The following NOL4 variants were observed in gnomAD, a reference collection of about 807,000 sequenced individuals.
NOL4 encodes the protein cancer/testis antigen 125.
NOL4 carries 17 observed loss-of-function variants against 75.9 expected under a neutral mutation model. The ratio of observed to expected loss-of-function variants is 0.22; its 90% confidence interval spans 0.15 to 0.34. The LOEUF is 0.34. NOL4 is among the 10% of genes least tolerant of loss of function. The probability of loss-of-function intolerance (pLI) is 1.00; values close to 1 mark genes in which losing one functional copy is unlikely to be tolerated. For synonymous variants in NOL4, 292 were observed against 289.9 expected (o/e 1.01, Z -0.07); for missense variants, 614 against 793.5 (o/e 0.77, Z 2.72).
intron 9 of NOL4, among the ~76,000 whole-genome samples, chr18:33,884,027 A>G (rs1568004679): frequency 6.6e-6 from 1 of 152,108 alleles, no homozygotes; most frequent in African/African-American, 2.4e-5. Flanking sequence ...GGTTCTGAGC[A>G]CTACTGCACA....
intron 4 of NOL4, among the ~76,000 whole-genome samples, chr18:34,096,233 A>C (rs534990491): frequency 1.3e-5 from 2 of 152,064 alleles, no homozygotes; most frequent in African/African-American, 4.8e-5. Flanking sequence ...ATTTACCATC[A>C]TAAGTGGCTT....
intron 9 of NOL4, among the ~76,000 whole-genome samples, chr18:33,887,127 T>G (rs1173899023): frequency 7.0e-6 from 1 of 143,844 alleles, no homozygotes; most frequent in Non-Finnish European, 1.5e-5. Context: ...ATATATATTA[T>G]ATCTAGATAT....
chr18:34,093,311 A>G, intron 5 of NOL4, 154 bp downstream of exon 5: 1 of 661,830 alleles, frequency 1.5e-6, no homozygotes, highest in African/African-American at 1.8e-5. Flanking sequence ...AGTGAAGTGG[A>G]TGATATAACC....
At chr18:33,983,503 C>T (rs756774325) in intron 6 of NOL4, among the ~76,000 whole-genome samples, 1 of 151,868 alleles carries the variant, frequency 6.6e-6, no homozygotes, top group African/African-American at 2.4e-5. Flanking sequence ...CACACAGATA[C>T]ACACACATAT....
intron 1 of NOL4, among the ~76,000 whole-genome samples, chr18:34,176,520 C>A (rs1458442582): frequency 6.6e-6 from 1 of 152,046 alleles, no homozygotes; most frequent in Admixed American, 6.6e-5. Context: ...AATTGTGTTC[C>A]CCTCAATGTT....
At chr18:33,876,929 AT>A (rs879331906) in intron 10 of NOL4, among the ~76,000 whole-genome samples, 1 of 152,058 alleles carries the variant, frequency 6.6e-6, no homozygotes, top group Admixed American at 6.6e-5. Context: ...CTACCACTAC[AT>A]TGCTAGAATC....
intron 5 of NOL4, among the ~76,000 whole-genome samples, chr18:34,071,617 A>G (rs1341780810): frequency 6.6e-6 from 1 of 152,218 alleles, no homozygotes; most frequent in Non-Finnish European, 1.5e-5. Flanking sequence ...AATAAACTAC[A>G]TGAGATACTC....
At chr18:33,958,494 T>G (rs1600055482) in intron 6 of NOL4, 76 bp from the exon 7 acceptor site, 1 of 1,318,150 alleles carries the variant, frequency 7.6e-7, no homozygotes, top group East Asian at 2.3e-5. Context: ...ATCTTTAATT[T>G]CAACTGTTTC....
intron 2 of NOL4, among the ~76,000 whole-genome samples, chr18:34,112,569 C>A (rs940615028): frequency 6.6e-6 from 1 of 151,852 alleles, no homozygotes; most frequent in Non-Finnish European, 1.5e-5. Flanking sequence ...CATGTATGAA[C>A]CTGGAGATTA....
chr18:34,048,464 T>C, intron 5 of NOL4: 2 of 985,380 alleles, frequency 2.0e-6, no homozygotes, highest in Non-Finnish European at 2.4e-6. Flanking sequence ...TCAACTTAAA[T>C]ACCAATGTCT....
intron 5 of NOL4, among the ~76,000 whole-genome samples, chr18:34,025,933 C>A (rs185203344): frequency 3.9e-4 from 60 of 152,244 alleles, no homozygotes; most frequent in African/African-American, 1.0e-3. Context: ...TTCAACAGTT[C>A]TTCTCCCTAT....
chr18:33,888,952 T>A (rs961525082), intron 9 of NOL4, among the ~76,000 whole-genome samples: 5 of 152,036 alleles, frequency 3.3e-5, no homozygotes, highest in African/African-American at 1.2e-4. Flanking sequence ...ACATCACTAT[T>A]AAAAGAACTA....
intron 1 of NOL4, among the ~76,000 whole-genome samples, chr18:34,207,933 C>T (rs1052794206): frequency 6.6e-6 from 1 of 152,186 alleles, no homozygotes; most frequent in Non-Finnish European, 1.5e-5. Flanking sequence ...AGCAGGGCTG[C>T]CCTCATGCTA....
rs2080559303 is a variant in NOL4 at position 34,129,910 on chromosome 18, T to G, written c.375A>C (p.Gln125His). ...MHVETGPNGE[Q>H]IRKHAGQKRT... ...TCTTTTGTCCAGCGTGTTTCCGAAT[T>G]TGTTCTCCATTTGGCCCCGTTTCCA... is the stretch of plus-strand genomic sequence containing the variant. The change falls in exon 2 of 11, where the codon CAA becomes CAC. Residue 125 changes from glutamine (Q) to histidine (H), a missense_variant. By Grantham distance (24) the Gln-to-His change is conservative. Transcript: ENST00000261592. The G allele has an allele frequency of 6.3e-7, 1 of 1,596,674 alleles. No individual in the cohort carries two copies. Among genetic ancestry groups the G allele is most frequent in the Non-Finnish European group, 8.5e-7 (1 of 1,170,972 alleles).
At chr18:34,039,844 A>T (rs62097847) in intron 5 of NOL4, among the ~76,000 whole-genome samples, 3 of 151,862 alleles carry the variant, frequency 2.0e-5, no homozygotes, top group East Asian at 3.9e-4. Flanking sequence ...CAGTTGAAAG[A>T]GCATTTTGAG....
intron 9 of NOL4, among the ~76,000 whole-genome samples, chr18:33,930,761 T>C (rs2067635762): frequency 6.6e-6 from 1 of 152,132 alleles, no homozygotes; most frequent in Non-Finnish European, 1.5e-5. Flanking sequence ...GTGTTGTGAA[T>C]ATCAAACAGA....
Position 33,851,807 on chromosome 18 carries a change from T to C in NOL4, c.*1035A>G, listed in dbSNP as rs939508777. On this transcript the variant is annotated 3_prime_UTR_variant, in exon 11 of 11. Transcript: ENST00000261592. ...CTAGAACTGAAAATTATACAAATCA[T>C]ATCAGGAGATGTAATGGTCTTTTTG... The C allele has an allele frequency of 1.3e-5, 2 of 152,472 alleles. No individual in the cohort carries two copies. Among genetic ancestry groups the C allele is most frequent in the Non-Finnish European group, 2.9e-5 (2 of 67,992 alleles). 9.4% of individuals were successfully genotyped at this position (152,472 alleles called of 1,614,324 possible).
intron 5 of NOL4, among the ~76,000 whole-genome samples, chr18:34,028,031 T>G (rs2075434241): frequency 6.6e-6 from 1 of 152,230 alleles, no homozygotes; most frequent in African/African-American, 2.4e-5. Flanking sequence ...GGATGACCAT[T>G]AGGAAAAACT....
chr18:34,044,294 T>G (rs1443408505), intron 5 of NOL4, among the ~76,000 whole-genome samples: 4 of 151,976 alleles, frequency 2.6e-5, no homozygotes, highest in African/African-American at 9.7e-5. Flanking sequence ...GAAAAGAAAA[T>G]AAAATACTTT....
Sources: gnomAD v4.1 joint callset for allele counts (sites outside exome capture counted in the v4.1 genomes callset) on GRCh38, gnomAD v4.1.1 for gene constraint, MANE v1.5 for transcripts, NCBI Gene and HGNC (gene_info 2026-07-23, HGNC 2026-07-21) for gene names.